Variants in PPP2R2B observed in about 807,000 individuals in gnomAD.
The protein encoded by PPP2R2B is protein phosphatase 2 regulatory subunit Bbeta, also known as serine/threonine-protein phosphatase 2A 55 kDa regulatory subunit B beta isoform.
In PPP2R2B, 5 loss-of-function variants were observed where a neutral mutation model predicts 46.0. The ratio of observed to expected loss-of-function variants is 0.11; its 90% CI spans 0.06 to 0.23. The LOEUF (loss-of-function observed/expected upper bound fraction) is 0.23, where lower values mean the gene tolerates loss of function less well. PPP2R2B is among the 10% of genes least tolerant of loss of function. The probability of loss-of-function intolerance (pLI) is 1.00; values close to 1 mark genes in which losing one functional copy is unlikely to be tolerated. For missense variants in PPP2R2B, 367 were observed against 575.0 expected (o/e 0.64, Z 3.70); for synonymous variants, 215 against 206.7 (o/e 1.04, Z -0.34).
chr5:146,825,173 T>G (rs1758498642), intron 2 of PPP2R2B, among the ~76,000 whole-genome samples: 1 of 152,242 alleles, frequency 6.6e-6, no homozygotes, highest in Non-Finnish European at 1.5e-5. Flanking sequence ...GAGCCGACGT[T>G]ATCACATAGA....
At chr5:146,705,821 T>C (rs1346751546) in intron 2 of PPP2R2B, among the ~76,000 whole-genome samples, 1 of 152,180 alleles carries the variant, frequency 6.6e-6, no homozygotes, top group Non-Finnish European at 1.5e-5. Context: ...ATGACCTTGT[T>C]GAAAGATGTT....
At chr5:146,860,699 AAC>A (rs1250820926) in intron 2 of PPP2R2B, among the ~76,000 whole-genome samples, 4 of 152,170 alleles carry the variant, frequency 2.6e-5, no homozygotes, top group African/African-American at 9.7e-5. Context: ...TGTGTCAATA[AAC>A]ACAGACTGAA....
intron 8 of PPP2R2B, among the ~76,000 whole-genome samples, chr5:146,596,488 C>T (rs1581673428): frequency 6.6e-6 from 1 of 152,282 alleles, no homozygotes; most frequent in Middle Eastern, 3.4e-3. Context: ...AGTTTGTTTA[C>T]CATCATCTTT....
intron 7 of PPP2R2B, chr5:146,607,094 C>T (rs1161357583): frequency 6.6e-6 from 1 of 152,144 alleles, no homozygotes; most frequent in Non-Finnish European, 1.5e-5. Context: ...GACATGCAGG[C>T]AACAGTTTTG....
chr5:146,928,859 C>T (rs1210799598), intron 1 of PPP2R2B, among the ~76,000 whole-genome samples: 2 of 152,208 alleles, frequency 1.3e-5, no homozygotes, highest in Non-Finnish European at 2.9e-5. Context: ...CATAGTCTGT[C>T]TTGCCACCTT....
In PPP2R2B at chr5:146,714,802, A is replaced by AT. The variant is rs10717730; in HGVS notation, c.71-13661dup. Among the ~76,000 whole-genome samples, 328 of 150,502 alleles carry AT rather than the reference A, an allele frequency of 2.2e-3. 1 individual carries two copies. The highest frequency in any genetic ancestry group is 8.2e-3 in the South Asian group (39 of 4,762). ...ATTGCTATGAATAAAAGACCTCTTG[A>AT]TTTTTTTTTTGTTTCTTCCTCCTTA... On this transcript the variant is annotated intron_variant, in intron 2 of 9. Coordinates refer to ENST00000394411, the MANE Select transcript of PPP2R2B (RefSeq NM_181675.4).
intron 3 of PPP2R2B, among the ~76,000 whole-genome samples, chr5:146,699,066 A>C (rs1053212858): frequency 2.0e-5 from 3 of 152,238 alleles, no homozygotes; most frequent in Non-Finnish European, 4.4e-5. Flanking sequence ...AAGAGCTTCA[A>C]GAAGCAGGCT....
At chr5:147,033,372 T>C (rs1286164225) in intron 1 of PPP2R2B, among the ~76,000 whole-genome samples, 1 of 152,214 alleles carries the variant, frequency 6.6e-6, no homozygotes, top group African/African-American at 2.4e-5. Flanking sequence ...AAGTTAATCT[T>C]ACTAACTTCT....
intron 1 of PPP2R2B, chr5:146,917,814 T>C (rs1157167119): frequency 6.6e-6 from 1 of 152,218 alleles, no homozygotes; most frequent in Non-Finnish European, 1.5e-5. Flanking sequence ...TACATTTTGC[T>C]TTCCTCACCT....
intron 2 of PPP2R2B, among the ~76,000 whole-genome samples, chr5:146,763,252 G>T (rs770838771): frequency 6.6e-6 from 1 of 152,132 alleles, no homozygotes; most frequent in East Asian, 1.9e-4. Flanking sequence ...ATAGCTCCAG[G>T]GCACAGACAG....
At chr5:146,893,288 A>G (rs896460417) in intron 1 of PPP2R2B, among the ~76,000 whole-genome samples, 6 of 152,212 alleles carry the variant, frequency 3.9e-5, no homozygotes, top group Non-Finnish European at 8.8e-5. Context: ...TGTGTCAGTT[A>G]TGTAGCTTTT....
intron 2 of PPP2R2B, among the ~76,000 whole-genome samples, chr5:146,777,886 A>C (rs1755283404): frequency 6.6e-6 from 1 of 152,212 alleles, no homozygotes; most frequent in African/African-American, 2.4e-5. Flanking sequence ...AATGTTTAAA[A>C]AGATGAATGC....
At chr5:146,693,029 C>A (rs1778963196) in intron 4 of PPP2R2B, among the ~76,000 whole-genome samples, 1 of 152,208 alleles carries the variant, frequency 6.6e-6, no homozygotes, top group South Asian at 2.1e-4. Flanking sequence ...AATCAGACAA[C>A]CTTGGGCCCA....
chr5:146,946,198 A>G (rs1764477780), intron 1 of PPP2R2B, among the ~76,000 whole-genome samples: 1 of 152,170 alleles, frequency 6.6e-6, no homozygotes, highest in African/African-American at 2.4e-5. Flanking sequence ...GTATAGCCCA[A>G]CTACCCCTGT....
chr5:146,833,008 G>A (rs1030083175), intron 2 of PPP2R2B, among the ~76,000 whole-genome samples: 9 of 151,704 alleles, frequency 5.9e-5, no homozygotes, highest in African/African-American at 1.7e-4. Flanking sequence ...AAACTAGATA[G>A]GGAAGGTATT....
chr5:146,663,996 C>T (rs536273418), intron 5 of PPP2R2B, among the ~76,000 whole-genome samples: 41 of 152,220 alleles, frequency 2.7e-4, no homozygotes, highest in African/African-American at 9.6e-4. Context: ...CACGTGCCAC[C>T]ACGCCTGGGT....
chr5:146,683,858 T>C (rs1353449748), intron 5 of PPP2R2B, among the ~76,000 whole-genome samples: 2 of 152,202 alleles, frequency 1.3e-5, no homozygotes, highest in Non-Finnish European at 2.9e-5. Flanking sequence ...AAATTATTAT[T>C]TATTTTCATA....
At chr5:146,956,564 A>G (rs1432919054) in intron 1 of PPP2R2B, among the ~76,000 whole-genome samples, 2 of 152,224 alleles carry the variant, frequency 1.3e-5, no homozygotes, top group African/African-American at 2.4e-5. Flanking sequence ...AGTACGCTCC[A>G]TCTCTTTCCA....
intron 2 of PPP2R2B, among the ~76,000 whole-genome samples, chr5:146,843,887 T>C (rs1413550859): frequency 1.3e-5 from 2 of 151,868 alleles, no homozygotes; most frequent in East Asian, 1.9e-4. Context: ...TCTTTGTTAT[T>C]GTGAATAGTG....
Sources: gnomAD v4.1 joint callset for allele counts (sites outside exome capture counted in the v4.1 genomes callset) on GRCh38, gnomAD v4.1.1 for gene constraint, MANE v1.5 for transcripts, NCBI Gene and HGNC (gene_info 2026-07-23, HGNC 2026-07-21) for gene names.